The following CFAP47 variants were observed in gnomAD, a reference collection of about 807,000 sequenced individuals.
The protein encoded by CFAP47 is cilia and flagella associated protein 47.
CFAP47 carries 29 observed loss-of-function variants against 148.1 expected under a neutral mutation model. The observed-to-expected ratio is 0.20, with a 90% CI of 0.15 to 0.27. The LOEUF (loss-of-function observed/expected upper bound fraction) is 0.27, where lower values mean the gene tolerates loss of function less well. Among genes scored for constraint, CFAP47 ranks in the 10% least tolerant of loss-of-function variants. The pLI, the probability that CFAP47 is intolerant of heterozygous loss-of-function variation, is 1.00. For missense variants in CFAP47, 1,872 were observed against 1,697.5 expected (o/e 1.10, Z -1.81); for synonymous variants, 664 against 577.3 (o/e 1.15, Z -2.15).
chrX:36,287,591 C>G (rs1484758104), intron 51 of CFAP47, among the ~76,000 whole-genome samples: 3 of 111,188 alleles, frequency 2.7e-5, no homozygotes, highest in African/African-American at 9.8e-5. Flanking sequence ...TAACACATGA[C>G]AGCTGCTAGA....
chrX:36,279,989 C>T (rs1402027542), intron 49 of CFAP47, among the ~76,000 whole-genome samples: 1 of 111,374 alleles, frequency 9.0e-6, no homozygotes, highest in East Asian at 2.8e-4. Flanking sequence ...CAGGCATGAG[C>T]CACTGTGCCT....
Position 36,012,239 on chromosome X carries a change from A to G in CFAP47, c.3418-2535A>G, listed in dbSNP as rs748341321. On this transcript the variant is annotated intron_variant, in intron 21 of 63. Transcript: ENST00000378653. The stretch of plus-strand genomic sequence containing the variant: ...GGTGGGAGTGTAAATTAGTTCAACC[A>G]TTGTAGAAGACAGTGTGACGATTTC... 5.4e-5 allele frequency among the ~76,000 whole-genome samples: 6 copies of G among 111,681 alleles called. No individual in the cohort carries two copies. The South Asian group carries it at 2.3e-3, about 42-fold the overall frequency.
intron 46 of CFAP47, among the ~76,000 whole-genome samples, chrX:36,235,681 G>T (rs782776515): frequency 8.9e-6 from 1 of 112,248 alleles, no homozygotes; most frequent in African/African-American, 3.2e-5. Flanking sequence ...TACCTCAGAT[G>T]GAAATGCAGA....
chrX:36,012,758 C>T (rs113636087), intron 21 of CFAP47, among the ~76,000 whole-genome samples: 2,020 of 111,111 alleles, frequency 0.018, 47 homozygotes, highest in African/African-American at 0.062. Flanking sequence ...GTGCAGCAAA[C>T]CACCATGGCA....
chrX:36,056,845 C>T (rs1937558286), intron 26 of CFAP47, among the ~76,000 whole-genome samples: 2 of 112,132 alleles, frequency 1.8e-5, no homozygotes, highest in Non-Finnish European at 1.9e-5. Context: ...GAGGACTACA[C>T]ATTTCAGCCT....
chrX:36,335,984 C>T (rs1556014775), intron 57 of CFAP47, among the ~76,000 whole-genome samples: 1 of 110,863 alleles, frequency 9.0e-6, no homozygotes, highest in Admixed American at 9.6e-5. Flanking sequence ...ATACACTATA[C>T]TTGGCGTTTG....
At position 35,937,914 on chromosome X, in the gene CFAP47, C is replaced by T. The variant is rs1935941632; in HGVS notation, c.402-3369C>T. Among the ~76,000 whole-genome samples the T allele has an allele frequency of 3.6e-5, 4 of 111,821 alleles. No homozygotes were observed. In the South Asian group the frequency reaches 1.5e-3, roughly 42 times the overall value. ...CATGATTGATTTCTACATTTTCGTA[C>T]ATCAACCTGGACTTCCAAAGTGCCC... On this transcript the variant is annotated intron_variant, in intron 2 of 63. Transcript: ENST00000378653.
chrX:35,926,733 G>A (rs1318908189), intron 2 of CFAP47, among the ~76,000 whole-genome samples: 1 of 111,640 alleles, frequency 9.0e-6, no homozygotes, highest in African/African-American at 3.3e-5. Flanking sequence ...CCAGCAGAAT[G>A]TGGTTTCCAT....
At chrX:36,355,024 TA>T (rs1313301049) in intron 60 of CFAP47, among the ~76,000 whole-genome samples, 6 of 109,345 alleles carry the variant, frequency 5.5e-5, no homozygotes, top group South Asian at 3.9e-4. Flanking sequence ...ACAACTCAAT[TA>T]AAAAAAAACT....
intron 57 of CFAP47, among the ~76,000 whole-genome samples, chrX:36,342,862 A>G (rs1475947331): frequency 1.8e-5 from 2 of 111,479 alleles, no homozygotes; most frequent in Non-Finnish European, 3.8e-5. Flanking sequence ...ACATAGGTAT[A>G]CATGTGGCGT....
intron 45 of CFAP47, among the ~76,000 whole-genome samples, chrX:36,223,442 TAATA>T (rs1484040898): frequency 2.7e-5 from 3 of 110,879 alleles, no homozygotes; most frequent in Non-Finnish European, 5.7e-5. Flanking sequence ...TATATACATG[TAATA>T]AATATAATTA....
chrX:35,932,900 AGGTGTGAG>A (rs1935852874), intron 2 of CFAP47, among the ~76,000 whole-genome samples: 1 of 111,404 alleles, frequency 9.0e-6, no homozygotes, highest in Non-Finnish European at 1.9e-5. Flanking sequence ...GCTGGCATTC[AGGTGTGAG>A]CTGCCATGCC....
intron 32 of CFAP47, among the ~76,000 whole-genome samples, chrX:36,102,385 G>C (rs1045617489): frequency 3.6e-5 from 4 of 111,431 alleles, no homozygotes; most frequent in African/African-American, 1.3e-4. Context: ...TGGACTTTGC[G>C]TACATTTTAA....
chrX:35,919,944 T>A lies in CFAP47; in HGVS notation c.145T>A (p.Phe49Ile). The change falls in exon 1 of 64, where the codon TTC (phenylalanine) becomes ATC (isoleucine). Residue 49 changes from phenylalanine to isoleucine, a missense_variant. Physicochemically the swap from Phe to Ile is conservative, Grantham distance 21 (BLOSUM62 0). Coordinates refer to ENST00000378653, the MANE Select transcript of CFAP47 (RefSeq NM_001304548.2). ...QLRVIPAEVK[F>I]LDTMAGRVYR... ...GCGGGTGATCCCGGCTGAGGTGAAG[T>A]TCCTGGACACGATGGCCGGGAGGGT... 2.5e-6 allele frequency: 3 copies of A among 1,210,414 alleles called. No homozygotes were observed. The highest frequency in any genetic ancestry group is 3.4e-6 in the Non-Finnish European group (3 of 895,051).
intron 2 of CFAP47, among the ~76,000 whole-genome samples, chrX:35,927,303 G>GA (rs1935758173): frequency 9.0e-6 from 1 of 111,586 alleles, no homozygotes; most frequent in African/African-American, 3.3e-5. Flanking sequence ...CACATGGTAG[G>GA]AAAAAAACAA....
Position 36,303,832 on chromosome X carries a change from C to T in CFAP47, c.7971-17C>T. The T allele has an allele frequency of 1.0e-6, 1 of 954,560 alleles. No individual in the cohort carries two copies. The highest frequency in any genetic ancestry group is 2.4e-5 in the South Asian group (1 of 40,851). 78.7% of individuals were successfully genotyped at this position (954,560 alleles called of 1,213,427 possible). ...TTATGAATACCAGCAACTTTACTAG[C>T]TTTTTTTTTCTCCTAGGCATGTCAC... On this transcript the variant is annotated splice_polypyrimidine_tract_variant and intron_variant, in intron 53 of 63. Coordinates refer to ENST00000378653, the MANE Select transcript of CFAP47 (RefSeq NM_001304548.2).
Position 36,001,666 on chromosome X carries a change from A to T in CFAP47, c.3376A>T (p.Asn1126Tyr), listed in dbSNP as rs1936917083. 6.7e-6 allele frequency: 2 copies of T among 296,312 alleles called. No homozygotes were observed. The highest frequency in any genetic ancestry group is 9.5e-5 in the East Asian group (2 of 20,972). 24.4% of individuals were successfully genotyped at this position (296,312 alleles called of 1,213,427 possible). A position where few individuals can be genotyped will look rare whatever the true frequency, so the allele number is the denominator to read the frequency against. ...TATATATTCTTTGGAATTAGAGGAA[A>T]ATACATCTCTGGAATGTAGCATAAC... Reference protein sequence around the residue: ...PYIYSLELEENTSLECSITFS... With the variant: ...PYIYSLELEEYTSLECSITFS... The change falls in exon 21 of 64, where the codon AAT becomes TAT. Residue 1126 changes from asparagine to tyrosine, a missense_variant. Physicochemically the swap from Asn to Tyr is moderately radical, Grantham distance 143. Coordinates refer to ENST00000378653, the MANE Select transcript of CFAP47 (RefSeq NM_001304548.2).
chrX:36,303,743 C>T, intron 53 of CFAP47, 106 bp from the exon 54 acceptor site: 1 of 415,783 alleles, frequency 2.4e-6, no homozygotes, highest in Non-Finnish European at 4.2e-6. Context: ...TTCAATATAT[C>T]TTATGGGGTG....
chrX:35,966,718 G>A lies in CFAP47; in HGVS notation c.1564G>A (p.Ala522Thr), dbSNP rs1370106696. ...TTTAGCTTTCAACAGCATCTGTAAA[G>A]CTTCCACCAAGAAAGTTGTGATGAA... ...VYLAFNSICK[A>T]STKKVVMKFD... Residue 522 changes from alanine (A) to threonine (T), a missense_variant, in exon 9 of 64, where the codon GCT becomes ACT. Transcript: ENST00000378653. The A allele has an allele frequency of 9.5e-6, 11 of 1,154,984 alleles. No individual in the cohort carries two copies. The highest frequency in any genetic ancestry group is 1.3e-5 in the Non-Finnish European group (11 of 864,524).
Sources: gnomAD v4.1 joint callset for allele counts (sites outside exome capture counted in the v4.1 genomes callset) on GRCh38, gnomAD v4.1.1 for gene constraint, MANE v1.5 for transcripts, NCBI Gene and HGNC (gene_info 2026-07-23, HGNC 2026-07-21) for gene names.